Variants in ERBB4 observed in about 807,000 individuals in gnomAD.
ERBB4 encodes the protein erb-b2 receptor tyrosine kinase 4, also known as receptor tyrosine-protein kinase erbB-4.
Under a neutral mutation model 158.0 loss-of-function variants are expected in ERBB4, and 42 were observed. That is an observed-to-expected ratio of 0.27 (90% CI 0.21 to 0.34). ERBB4 has a LOEUF of 0.34. Among genes scored for constraint, ERBB4 ranks in the 10% least tolerant of loss-of-function variants. The pLI is 1.00. For missense variants in ERBB4, 1,333 were observed against 1,624.1 expected (o/e 0.82, Z 3.08); for synonymous variants, 583 against 558.7 (o/e 1.04, Z -0.61).
At chr2:212,191,703 GTGTTATACATGTTACATATA>G (rs1559703259) in intron 1 of ERBB4, among the ~76,000 whole-genome samples, 2 of 38,130 alleles carry the variant, frequency 5.2e-5, no homozygotes, top group Non-Finnish European at 7.9e-5. Context: ...CATATAACAC[GTGTTATACATGTTACATATA>G]ACACGTGTTA....
chr2:212,094,605 G>C (rs1851260), intron 2 of ERBB4, among the ~76,000 whole-genome samples: 104,548 of 151,912 alleles, frequency 0.69, 40,349 homozygotes, highest in East Asian at 1. Context: ...ACCTCCGCCT[G>C]CCTCTCTTGC....
rs1253686082 is a variant in ERBB4, at chr2:212,507,257, T to C, written c.82+31192A>G. 2.0e-5 allele frequency among the ~76,000 whole-genome samples: 3 copies of C among 151,982 alleles called. No individual in the cohort carries two copies. The East Asian group carries it at 5.8e-4, about 29-fold the overall frequency. On this transcript the variant is annotated intron_variant, in intron 1 of 27. Coordinates refer to ENST00000342788, the MANE Select transcript of ERBB4 (RefSeq NM_005235.3). ...TCAAAATATTACTGCTCATTGACAATGAACCTACTAACCAAAGAGTTCTCG... is the reference window on the plus strand; with the variant it reads ...TCAAAATATTACTGCTCATTGACAACGAACCTACTAACCAAAGAGTTCTCG...
At chr2:212,196,922 C>G (rs1354720118) in intron 1 of ERBB4, among the ~76,000 whole-genome samples, 1 of 152,092 alleles carries the variant, frequency 6.6e-6, no homozygotes, top group Non-Finnish European at 1.5e-5. Context: ...GAGCATATAC[C>G]ATATGTCACG....
intron 1 of ERBB4, among the ~76,000 whole-genome samples, chr2:212,406,457 A>G (rs145706308): frequency 6.6e-6 from 1 of 152,332 alleles, no homozygotes; most frequent in East Asian, 1.9e-4. Flanking sequence ...AACAGCACAC[A>G]TGGCTGAAAG....
chr2:211,809,132 C>A (rs770070298), intron 3 of ERBB4, among the ~76,000 whole-genome samples: 20 of 152,244 alleles, frequency 1.3e-4, no homozygotes, highest in Non-Finnish European at 1.9e-4. Flanking sequence ...TTTCTCTTGC[C>A]TGATTGCCCT....
intron 1 of ERBB4, among the ~76,000 whole-genome samples, chr2:212,191,731 TTATACA>T (rs1559703763): frequency 4.2e-5 from 5 of 119,252 alleles, no homozygotes; most frequent in African/African-American, 1.2e-4. Flanking sequence ...ATAACACGTG[TTATACA>T]TGTTACATAT....
chr2:211,573,036 G>A (rs2067778133), intron 19 of ERBB4, among the ~76,000 whole-genome samples: 1 of 152,138 alleles, frequency 6.6e-6, no homozygotes, highest in Non-Finnish European at 1.5e-5. Context: ...TTGGGAAAAG[G>A]TCTGTGCAGA....
chr2:211,395,431 C>G (rs2062891861), intron 25 of ERBB4, among the ~76,000 whole-genome samples: 1 of 151,988 alleles, frequency 6.6e-6, no homozygotes, highest in African/African-American at 2.4e-5. Context: ...TACCTTAGAA[C>G]CTCAAATTAA....
At chr2:212,004,176 A>T (rs568784713) in intron 2 of ERBB4, among the ~76,000 whole-genome samples, 80 of 152,230 alleles carry the variant, frequency 5.3e-4, no homozygotes, top group Non-Finnish European at 8.5e-4. Context: ...AGAGCTAAAA[A>T]AATTGTATCA....
intron 1 of ERBB4, among the ~76,000 whole-genome samples, chr2:212,531,711 T>G (rs576876048): frequency 2.0e-5 from 3 of 151,990 alleles, no homozygotes; most frequent in Non-Finnish European, 2.9e-5. Flanking sequence ...GACATCTTCA[T>G]AAAGCCCAGG....
chr2:211,771,461 C>T (rs769817115), intron 4 of ERBB4, among the ~76,000 whole-genome samples: 48 of 152,314 alleles, frequency 3.2e-4, no homozygotes, highest in South Asian at 6.2e-4. Context: ...GACAGAAACT[C>T]TTGTTTAATC....
chr2:211,656,248 G>A (rs1385721094), intron 16 of ERBB4, among the ~76,000 whole-genome samples: 1 of 152,058 alleles, frequency 6.6e-6, no homozygotes, highest in Non-Finnish European at 1.5e-5. Context: ...TTTCATTTTT[G>A]GAAATTCACT....
chr2:212,196,742 T>C (rs1174835400), intron 1 of ERBB4, among the ~76,000 whole-genome samples: 1 of 152,138 alleles, frequency 6.6e-6, no homozygotes, highest in Non-Finnish European at 1.5e-5. Context: ...TGAAATAGTA[T>C]GGTTTCATCC....
chr2:212,347,963 T>C (rs952420542), intron 1 of ERBB4, among the ~76,000 whole-genome samples: 1 of 152,058 alleles, frequency 6.6e-6, no homozygotes, highest in African/African-American at 2.4e-5. Flanking sequence ...TTAGGTGAAA[T>C]AGCATTCAAT....
At chr2:212,058,333 A>G (rs1046497273) in intron 2 of ERBB4, among the ~76,000 whole-genome samples, 2 of 152,190 alleles carry the variant, frequency 1.3e-5, no homozygotes, top group Non-Finnish European at 2.9e-5. Context: ...AGGACCAGAC[A>G]GATTCACAGC....
At chr2:211,718,830 AAAC>A (rs746382908) in intron 7 of ERBB4, among the ~76,000 whole-genome samples, 77 of 152,316 alleles carry the variant, frequency 5.1e-4, no homozygotes, top group Non-Finnish European at 7.3e-4. Flanking sequence ...ATCAGCTGTG[AAAC>A]AACAACAACA....
intron 27 of ERBB4, among the ~76,000 whole-genome samples, chr2:211,386,060 C>A (rs1034182778): frequency 5.9e-5 from 9 of 152,250 alleles, no homozygotes; most frequent in African/African-American, 2.2e-4. Context: ...TTCTCAGAGT[C>A]TTAAAATGTA....
intron 3 of ERBB4, among the ~76,000 whole-genome samples, chr2:211,792,314 C>A (rs1328893763): frequency 6.6e-6 from 1 of 151,512 alleles, no homozygotes; most frequent in African/African-American, 2.4e-5. Flanking sequence ...TTATGCAAGG[C>A]TCAAGGTGAT....
chr2:211,953,504 CT>C (rs1238492147), intron 2 of ERBB4, among the ~76,000 whole-genome samples: 121 of 150,188 alleles, frequency 8.1e-4, no homozygotes, highest in African/African-American at 2.7e-3. Context: ...GAAGAATGCC[CT>C]AGCAAAGACA....
Sources: gnomAD v4.1 joint callset for allele counts (sites outside exome capture counted in the v4.1 genomes callset) on GRCh38, gnomAD v4.1.1 for gene constraint, MANE v1.5 for transcripts, NCBI Gene and HGNC (gene_info 2026-07-23, HGNC 2026-07-21) for gene names.